XAB2: variants seen among roughly 807,000 people sequenced by gnomAD.
XAB2 encodes pre-mRNA-splicing factor SYF1.
Under a neutral mutation model 113.4 loss-of-function variants are expected in XAB2, and 57 were observed. The ratio of observed to expected loss-of-function variants is 0.50; its 90% CI spans 0.41 to 0.63. The LOEUF (loss-of-function observed/expected upper bound fraction) is 0.63. Ranked by LOEUF, XAB2 falls within the 20% of genes least tolerant of loss-of-function variation. The probability of loss-of-function intolerance (pLI) is 0.00; values close to 1 mark genes in which losing one functional copy is unlikely to be tolerated. For synonymous variants in XAB2, 497 were observed against 498.8 expected (o/e 1.00, Z 0.05); for missense variants, 1,037 against 1,233.3 (o/e 0.84, Z 2.38).
intron 5 of XAB2, 31 bp from the exon 6 acceptor site, chr19:7,626,075 T>A: frequency 6.2e-7 from 1 of 1,610,004 alleles, no homozygotes; most frequent in Non-Finnish European, 8.5e-7. Flanking sequence ...GGGGAGAGTC[T>A]CAGGCTCAGT....
At chr19:7,626,984 A>G (rs1477325480) in intron 4 of XAB2, among the ~76,000 whole-genome samples, 1 of 152,154 alleles carries the variant, frequency 6.6e-6, no homozygotes, top group African/African-American at 2.4e-5. Flanking sequence ...CTTCCTACTT[A>G]GACTAAAAGC....
chr19:7,620,624 C>A lies in XAB2; in HGVS notation c.2017G>T (p.Asp673Tyr), dbSNP rs2031011091. 1 of 1,613,236 alleles carries A rather than the reference C, an allele frequency of 6.2e-7. No individual in the cohort carries two copies. The highest frequency in any genetic ancestry group is 8.5e-7 in the Non-Finnish European group (1 of 1,179,956). The change falls in exon 15 of 19, where the codon GAC becomes TAC. Residue 673 changes from aspartate (D) to tyrosine (Y), a missense_variant. By Grantham distance (160) the Asp-to-Tyr change is radical. Transcript: ENST00000358368. The part of the protein sequence containing the change: ...HAREMCLRFA[D>Y]MECKLGEIDR... ...ATCTCCCCGAGCTTGCACTCCATGT[C>A]TGCAAACCGCAGGCACATCTCACGC...
chr19:7,625,903 T>G lies in XAB2; in HGVS notation c.799A>C (p.Ile267Leu), dbSNP rs1446908025. Residue 267 changes from isoleucine to leucine, a missense_variant, in exon 6 of 19, where the codon ATC becomes CTC. Transcript: ENST00000358368. The surrounding 1 kb of genome is among the most constrained non-coding windows in gnomAD (Gnocchi z 5.2). ...KLWCSLADYYIRSGHFEKARD... is the reference protein window; with the variant it reads ...KLWCSLADYYLRSGHFEKARD... ...ACCTTCTCGAAATGGCCGCTGCGGATGTAGTAGTCGGCGAGAGAACACCAG... is the reference window on the plus strand; with the variant it reads ...ACCTTCTCGAAATGGCCGCTGCGGAGGTAGTAGTCGGCGAGAGAACACCAG... 1.2e-6 allele frequency: 2 copies of G among 1,611,748 alleles called. No individual in the cohort carries two copies. Among genetic ancestry groups the G allele is most frequent in the Non-Finnish European group, 1.7e-6 (2 of 1,178,568 alleles).
intron 12 of XAB2, chr19:7,621,949 T>C: frequency 4.4e-6 from 1 of 229,716 alleles, no homozygotes; most frequent in Non-Finnish European, 8.7e-6. Context: ...CCCCAGTACC[T>C]CAGAAAGTAG....
In XAB2 at chr19:7,629,331, G is replaced by GATCC. The variant is rs1325996913; in HGVS notation, c.51+142_51+145dup. ...CTGGACAGTTCGGTGCGGACATGAC[G>GATCC]ATCCGGTCTCTGGCCCATTAGGGTT... On this transcript the variant is annotated intron_variant, in intron 1 of 18. Coordinates refer to ENST00000358368, the MANE Select transcript of XAB2 (RefSeq NM_020196.3). The GATCC allele has an allele frequency of 3.2e-6, 3 of 930,808 alleles. No individual in the cohort carries two copies. The African/African-American group carries it at 4.9e-5, about 15-fold the overall frequency. 57.7% of individuals were successfully genotyped at this position (930,808 alleles called of 1,614,324 possible). A position where few individuals can be genotyped will look rare whatever the true frequency, so the allele number is the denominator to read the frequency against.
rs769672992 is a variant in XAB2 at position 7,621,139 on chromosome 19, G to A, written c.1776C>T (p.Ala592=). The A allele has an allele frequency of 3.5e-6, 5 of 1,424,606 alleles. No homozygotes were observed. The highest frequency in any genetic ancestry group is 2.0e-5 in the Admixed American group (1 of 49,432). 88.2% of individuals were successfully genotyped at this position (1,424,606 alleles called of 1,614,324 possible). A position where few individuals can be genotyped will look rare whatever the true frequency, so the allele number is the denominator to read the frequency against. ...QALDGCPPKY[A]KTLYLLYAQL... ...CATGCCCTCTGCCCGCCTCACTCTTGGCATATTTTGGGGGGCAGCCGTCCA... is the reference window on the plus strand; with the variant it reads ...CATGCCCTCTGCCCGCCTCACTCTTAGCATATTTTGGGGGGCAGCCGTCCA... Residue 592 remains alanine (A), a synonymous_variant, in exon 13 of 19, where the codon GCC becomes GCT. Coordinates refer to ENST00000358368, the MANE Select transcript of XAB2 (RefSeq NM_020196.3).
In XAB2 at chr19:7,623,910, G is replaced by A; in HGVS notation, c.968-28C>T. ...GGGAGCCGCGAACATGTTTGTCAGGGGCGGAGACCCAGGATGCAGGTCCCC... is the reference window on the plus strand; with the variant it reads ...GGGAGCCGCGAACATGTTTGTCAGGAGCGGAGACCCAGGATGCAGGTCCCC... On this transcript the variant is annotated intron_variant, in intron 7 of 18. Coordinates refer to ENST00000358368, the MANE Select transcript of XAB2 (RefSeq NM_020196.3). The surrounding 1 kb of genome is among the most constrained non-coding windows in gnomAD (Gnocchi z 4.6). 1 of 1,524,294 alleles carries A rather than the reference G, an allele frequency of 6.6e-7. No individual in the cohort carries two copies. The highest frequency in any genetic ancestry group is 1.2e-5 in the South Asian group (1 of 82,686). 94.4% of individuals were successfully genotyped at this position (1,524,294 alleles called of 1,614,324 possible). A position where few individuals can be genotyped will look rare whatever the true frequency, so the allele number is the denominator to read the frequency against.
Position 7,622,893 on chromosome 19 carries a change from C to A in XAB2, c.1240G>T (p.Ala414Ser), listed in dbSNP as rs2031065118. 1 of 1,613,340 alleles carries A rather than the reference C, an allele frequency of 6.2e-7. No individual in the cohort carries two copies. The highest frequency in any genetic ancestry group is 8.5e-7 in the Non-Finnish European group (1 of 1,179,812). ...GTGGCCTTCTCCAGGATGACACGGG[C>A]CTGCCGGGGCGGGCAGAGGCGAGGC... ...FYEDNGQLDD[A>S]RVILEKATKV... The change falls in exon 10 of 19, where the codon GCC becomes TCC. Residue 414 changes from alanine (A) to serine (S), a missense_variant and splice_region_variant. Coordinates refer to ENST00000358368, the MANE Select transcript of XAB2 (RefSeq NM_020196.3).
rs794080 is a variant in XAB2 at position 7,623,912 on chromosome 19, C to T, written c.968-30G>A. On this transcript the variant is annotated intron_variant, in intron 7 of 18. Transcript: ENST00000358368. The surrounding 1 kb of genome is among the most constrained non-coding windows in gnomAD (Gnocchi z 4.6). ...GAGCCGCGAACATGTTTGTCAGGGG[C>T]GGAGACCCAGGATGCAGGTCCCCGG... The T allele has an allele frequency of 0.21, 313,221 of 1,518,118 alleles. 33,383 individuals carry two copies. Among genetic ancestry groups the T allele is most frequent in the Non-Finnish European group, 0.22 (250,573 of 1,135,296 alleles). The allele number at this position is 1,518,118 out of a possible 1,614,324, so 94.0% of individuals were successfully genotyped here.
In XAB2 at chr19:7,619,647, T is replaced by A. The variant is rs2030982869; in HGVS notation, c.2507A>T (p.Glu836Val). The A allele has an allele frequency of 6.2e-7, 1 of 1,603,768 alleles. No homozygotes were observed. The highest frequency in any genetic ancestry group is 1.3e-5 in the African/African-American group (1 of 74,762). The change falls in exon 19 of 19, where the codon GAG becomes GTG. Residue 836 changes from glutamate (E) to valine (V), a missense_variant and splice_region_variant. Glu to Val is a moderately radical substitution (Grantham distance 121). Transcript: ENST00000358368. ...CACGCTCTGCTGCTCCAGCCGAACC[T>A]CTGTGGGGAAGGCGGGAGCCAGTCA... is the stretch of plus-strand genomic sequence containing the variant. The part of the protein sequence containing the change: ...DEDEMDLEPN[E>V]VRLEQQSVPA...
At position 7,619,564 on chromosome 19, in the gene XAB2, G is replaced by A. The variant is rs1395731757; in HGVS notation, c.*22C>T. 5 of 1,514,884 alleles carry A rather than the reference G, an allele frequency of 3.3e-6. No homozygotes were observed. Among genetic ancestry groups the A allele is most frequent in the Admixed American group, 2.0e-5 (1 of 50,346 alleles). The allele number at this position is 1,514,884 out of a possible 1,614,324, so 93.8% of individuals were successfully genotyped here. A position where few individuals can be genotyped will look rare whatever the true frequency, so the allele number is the denominator to read the frequency against. The stretch of plus-strand genomic sequence containing the variant: ...AGCTGTATTGGGGAGGGGGTGGGGA[G>A]GGGGGATGGGGGAGGGACGGGTCAG... On this transcript the variant is annotated 3_prime_UTR_variant, in exon 19 of 19. Coordinates refer to ENST00000358368, the MANE Select transcript of XAB2 (RefSeq NM_020196.3).
At chr19:7,622,705 C>G in intron 10 of XAB2, 44 bp from the exon 11 acceptor site, 1 of 1,610,466 alleles carries the variant, frequency 6.2e-7, no homozygotes, top group East Asian at 2.3e-5. Context: ...AGGGGCTGTC[C>G]CTGGCCCTTG....
At chr19:7,622,168 G>A (rs1043424854) in intron 12 of XAB2, 163 bp downstream of exon 12, 8 of 685,766 alleles carry the variant, frequency 1.2e-5, no homozygotes, top group Middle Eastern at 8.0e-4. Context: ...CCTCGATCCT[G>A]GACTTCCAGC....
chr19:7,621,095 G>GCCCCCCCCCCCC, intron 13 of XAB2, 40 bp downstream of exon 13: 4 of 1,486,316 alleles, frequency 2.7e-6, no homozygotes, highest in Admixed American at 2.1e-5. Flanking sequence ...CAGAAACCCA[G>GCCCCCCCCCCCC]CCCGCCCGCC....
Position 7,627,150 on chromosome 19 carries a change from C to T in XAB2, c.522+93G>A, listed in dbSNP as rs925103629. On this transcript the variant is annotated intron_variant, in intron 4 of 18. Transcript: ENST00000358368. This position sits in a 1 kb window ranked among gnomAD's most constrained non-coding sequence, Gnocchi z 4.5. ...TCTCCAGGAGCCTCTTCCCACATCC[C>T]GTCTGCTGGGTGACATCCTACGCGG... 9.2e-6 allele frequency: 13 copies of T among 1,416,790 alleles called. No homozygotes were observed. The highest frequency in any genetic ancestry group is 1.8e-5 in the Admixed American group (1 of 55,188). The allele number at this position is 1,416,790 out of a possible 1,614,324, so 87.8% of individuals were successfully genotyped here. A position where few individuals can be genotyped will look rare whatever the true frequency, so the allele number is the denominator to read the frequency against.
Position 7,622,455 on chromosome 19 carries a change from G to A in XAB2, c.1504-11C>T, listed in dbSNP as rs2031053740. On this transcript the variant is annotated splice_polypyrimidine_tract_variant and intron_variant, in intron 11 of 18. Coordinates refer to ENST00000358368, the MANE Select transcript of XAB2 (RefSeq NM_020196.3). ...CACGGCCTTGGTGGACTGCAGGGGTGGGGATGGGAAAGGTTGGAGCTGGTT... is the reference window on the plus strand; with the variant it reads ...CACGGCCTTGGTGGACTGCAGGGGTAGGGATGGGAAAGGTTGGAGCTGGTT... 6.2e-7 allele frequency: 1 copy of A among 1,614,176 alleles called. No homozygotes were observed. Among genetic ancestry groups the A allele is most frequent in the Non-Finnish European group, 8.5e-7 (1 of 1,180,032 alleles).
chr19:7,620,874 G>T lies in XAB2; in HGVS notation c.1943C>A (p.Thr648Asn). 1 of 1,595,922 alleles carries T rather than the reference G, an allele frequency of 6.3e-7. No individual in the cohort carries two copies. The highest frequency in any genetic ancestry group is 8.5e-7 in the Non-Finnish European group (1 of 1,170,762). ...RAAEIYGVTHTRGIYQKAIEV... is the reference protein window; with the variant it reads ...RAAEIYGVTHNRGIYQKAIEV... ...AATGGCCTTCTGGTAGATGCCGCGG[G>T]TGTGGGTGACCCCATAGATCTCGGC... Residue 648 changes from threonine to asparagine, a missense_variant, in exon 14 of 19, where the codon ACC becomes AAC. Coordinates refer to ENST00000358368, the MANE Select transcript of XAB2 (RefSeq NM_020196.3).
In XAB2 at chr19:7,622,754, G is replaced by A. The variant is rs746776255; in HGVS notation, c.1371+8C>T. 1.9e-6 allele frequency: 3 copies of A among 1,613,832 alleles called. No individual in the cohort carries two copies. The East Asian group carries it at 6.7e-5, about 36-fold the overall frequency. On this transcript the variant is annotated splice_region_variant and intron_variant, in intron 10 of 18. Transcript: ENST00000358368. ...AGCCCCCACCCCACAGCCTGGGCCT[G>A]TTCTCACTCGCAGCAGCCGCAAGGC... is the stretch of plus-strand genomic sequence containing the variant.
intron 10 of XAB2, 31 bp downstream of exon 10, chr19:7,622,731 C>T (rs912389054): frequency 8.7e-6 from 14 of 1,613,100 alleles, no homozygotes; most frequent in Non-Finnish European, 1.2e-5. Flanking sequence ...CAACCTGCAG[C>T]CCCCACCCCA....
Sources: allele counts gnomAD v4.1 joint callset (sites outside exome capture counted in the v4.1 genomes callset), GRCh38; gene constraint gnomAD v4.1.1; non-coding constraint Gnocchi (gnomAD v3.1); transcripts MANE v1.5; gene names NCBI Gene and HGNC (gene_info 2026-07-23, HGNC 2026-07-21).